Variants in ZNF385C observed in about 807,000 individuals in gnomAD.
ZNF385C encodes CTD-2132N18.2.
A neutral mutation model predicts 35.4 loss-of-function variants in ZNF385C; 28 were observed. The ratio of observed to expected loss-of-function variants is 0.79; its 90% CI spans 0.59 to 1.08. The LOEUF (loss-of-function observed/expected upper bound fraction) is 1.08. ZNF385C is among the 50% of genes least tolerant of loss of function. The pLI is 0.00. For missense variants in ZNF385C, 605 were observed against 595.6 expected, an observed-to-expected ratio of 1.02 and a Z score of -0.16; for synonymous variants, 248 against 248.2, an observed-to-expected ratio of 1.00 and a Z score of 0.01.
chr17:42,035,198 G>A (rs1379951274), intron 3 of ZNF385C, among the ~76,000 whole-genome samples: 2 of 150,850 alleles, frequency 1.3e-5, no homozygotes, highest in Non-Finnish European at 2.9e-5. Flanking sequence ...AGCCTCTCCC[G>A]GCTGTCTTTA....
chr17:42,079,887 C>T (rs892641498), intron 1 of ZNF385C, among the ~76,000 whole-genome samples: 2 of 152,174 alleles, frequency 1.3e-5, no homozygotes, highest in African/African-American at 4.8e-5. Context: ...ATGATCCACT[C>T]TCCCAACCCA....
intron 1 of ZNF385C, among the ~76,000 whole-genome samples, chr17:42,067,081 A>AGAG (rs201397856): frequency 6.6e-6 from 1 of 151,656 alleles, no homozygotes; most frequent in Non-Finnish European, 1.5e-5. Flanking sequence ...AAAAAAAAAA[A>AGAG]AGAGAGAGAG....
Position 42,040,176 on chromosome 17 carries a change from C to T in ZNF385C, c.251-2291G>A, listed in dbSNP as rs1171834374. ...GCGGGTAGCGTCGGGGGTCGAAGATCGCTGCGAAGGCGGCCACGGCGTCCA... is the reference window on the plus strand; with the variant it reads ...GCGGGTAGCGTCGGGGGTCGAAGATTGCTGCGAAGGCGGCCACGGCGTCCA... On this transcript the variant is annotated intron_variant, in intron 2 of 8. Transcript: ENST00000692273. The T allele has an allele frequency of 2.1e-5, 26 of 1,231,564 alleles. No homozygotes were observed. The East Asian group carries it at 4.4e-4, about 21-fold the overall frequency. The allele number at this position is 1,231,564 out of a possible 1,614,324, so 76.3% of individuals were successfully genotyped here.
chr17:42,036,133 T>A (rs544274233), intron 3 of ZNF385C, among the ~76,000 whole-genome samples: 1 of 152,206 alleles, frequency 6.6e-6, no homozygotes, highest in East Asian at 1.9e-4. Flanking sequence ...TAGCTGGGAC[T>A]ACAGGTGCCC....
chr17:42,079,309 C>T (rs782587573), intron 1 of ZNF385C, among the ~76,000 whole-genome samples: 19 of 143,666 alleles, frequency 1.3e-4, no homozygotes, highest in South Asian at 2.2e-4. Context: ...GAGACTGAGA[C>T]GGGAGATTGA....
chr17:42,044,357 C>T (rs2053103615), intron 2 of ZNF385C, among the ~76,000 whole-genome samples: 1 of 148,160 alleles, frequency 6.7e-6, no homozygotes, highest in African/African-American at 2.5e-5. Flanking sequence ...TGGCTCATGC[C>T]TGTAATCCCA....
At chr17:42,077,164 C>G in intron 1 of ZNF385C, among the ~76,000 whole-genome samples, 1 of 152,208 alleles carries the variant, frequency 6.6e-6, no homozygotes, top group Non-Finnish European at 1.5e-5. Context: ...CCAACTCTCA[C>G]TGTAGGTGCA....
In ZNF385C at chr17:42,095,937, C is replaced by T. The variant is rs2053912726; in HGVS notation, c.-3+2473G>A. Among the ~76,000 whole-genome samples, 1 of 152,184 alleles carries T rather than the reference C, an allele frequency of 6.6e-6. No homozygotes were observed. The highest frequency in any genetic ancestry group is 2.1e-4 in the South Asian group (1 of 4,830). On this transcript the variant is annotated intron_variant, in intron 1 of 8. Transcript: ENST00000692273. This position sits in a 1 kb window ranked among gnomAD's most constrained non-coding sequence, Gnocchi z 4.4. ...AATATTTAAAAGTTATAAATCAAGC[C>T]AGCAAACTGTGAAATATGTTCTAAC...
intron 2 of ZNF385C, chr17:42,043,133 A>G (rs782343616): frequency 7.3e-6 from 9 of 1,231,990 alleles, no homozygotes; most frequent in Non-Finnish European, 9.1e-6. Context: ...TGGGCTCCTG[A>G]GGTCACGTGG....
Position 42,028,171 on chromosome 17 carries a change from C to A in ZNF385C, c.1043G>T (p.Gly348Val). ...TCTCTTGGCTTTGTGTCCGGCACCT[C>A]CCCTGGACACCGGGCGGCCCCGGCT... ...RRSRGRPVSRGGAGHKAKRVT... is the reference protein window; with the variant it reads ...RRSRGRPVSRVGAGHKAKRVT... Residue 348 changes from glycine to valine, a missense_variant, in exon 7 of 9, where the codon GGA (glycine) becomes GTA (valine). By Grantham distance (109) the Gly-to-Val change is moderately radical. Transcript: ENST00000692273. 1 of 1,603,282 alleles carries A rather than the reference C, an allele frequency of 6.2e-7. No individual in the cohort carries two copies. Among genetic ancestry groups the A allele is most frequent in the Non-Finnish European group, 8.5e-7 (1 of 1,175,494 alleles).
At chr17:42,080,855 T>G (rs2053740561) in intron 1 of ZNF385C, among the ~76,000 whole-genome samples, 1 of 152,174 alleles carries the variant, frequency 6.6e-6, no homozygotes, top group African/African-American at 2.4e-5. Flanking sequence ...CTCAGAGGCC[T>G]TGGCTGGAAG....
chr17:42,043,330 T>C (rs1424909233), intron 2 of ZNF385C: 2 of 1,232,134 alleles, frequency 1.6e-6, no homozygotes, highest in African/African-American at 3.1e-5. Context: ...ACACTTCTTG[T>C]TGGAGTTGGA....
intron 7 of ZNF385C, 52 bp downstream of exon 7, chr17:42,027,998 C>A: frequency 6.3e-7 from 1 of 1,585,226 alleles, no homozygotes. Flanking sequence ...CTGCCCTGCC[C>A]CCCAACCCCC....
chr17:42,072,956 G>A (rs2053646110), intron 1 of ZNF385C, among the ~76,000 whole-genome samples: 1 of 152,062 alleles, frequency 6.6e-6, no homozygotes, highest in Admixed American at 6.5e-5. Context: ...CCCCCTGTCA[G>A]CACCACCTTC....
chr17:42,065,589 A>G (rs1322139821), intron 1 of ZNF385C, among the ~76,000 whole-genome samples: 1 of 152,140 alleles, frequency 6.6e-6, no homozygotes, highest in Non-Finnish European at 1.5e-5. Flanking sequence ...CCTTTTTGTG[A>G]GCAGTGATCC....
chr17:42,035,243 A>G (rs1195444602), intron 3 of ZNF385C, among the ~76,000 whole-genome samples: 1 of 151,888 alleles, frequency 6.6e-6, no homozygotes, highest in Non-Finnish European at 1.5e-5. Context: ...GAAGCAGGGG[A>G]ATGGCCAGAG....
At chr17:42,049,066 C>T (rs138735675) in intron 2 of ZNF385C, among the ~76,000 whole-genome samples, 1 of 152,278 alleles carries the variant, frequency 6.6e-6, no homozygotes, top group African/African-American at 2.4e-5. Flanking sequence ...CTGGTGGCCA[C>T]TTGTGTCTCC....
At chr17:42,061,600 T>C (rs2053463412) in intron 2 of ZNF385C, 1 of 152,254 alleles carries the variant, frequency 6.6e-6, no homozygotes, top group Non-Finnish European at 1.5e-5. Context: ...CTCAGAGTCA[T>C]GCTTTTGGTG....
chr17:42,055,493 C>G (rs535073280), intron 2 of ZNF385C, among the ~76,000 whole-genome samples: 3 of 152,112 alleles, frequency 2.0e-5, no homozygotes, highest in Non-Finnish European at 4.4e-5. Flanking sequence ...TCACCTGCCA[C>G]CAAGGGAGAA....
Sources: allele counts gnomAD v4.1 joint callset (sites outside exome capture counted in the v4.1 genomes callset), GRCh38; gene constraint gnomAD v4.1.1; non-coding constraint Gnocchi (gnomAD v3.1); transcripts MANE v1.5; gene names NCBI Gene and HGNC (gene_info 2026-07-23, HGNC 2026-07-21).